CPLANE1: variants seen among roughly 807,000 people sequenced by gnomAD.
The protein encoded by CPLANE1 is ciliogenesis and planar polarity effector complex subunit 1.
CPLANE1 carries 263 observed loss-of-function variants against 362.5 expected under a neutral mutation model. The observed-to-expected ratio is 0.73, with a 90% CI of 0.66 to 0.80. CPLANE1 has a LOEUF of 0.80. CPLANE1 is among the 30% of genes least tolerant of loss of function. The pLI is 0.00. For missense variants in CPLANE1, 3,461 were observed against 3,793.4 expected, an observed-to-expected ratio of 0.91 and a Z score of 2.30; for synonymous variants, 1,212 against 1,302.6, an observed-to-expected ratio of 0.93 and a Z score of 1.50.
At chr5:37,198,432 T>G (rs753856246) in intron 20 of CPLANE1, among the ~76,000 whole-genome samples, 6 of 149,056 alleles carry the variant, frequency 4.0e-5, no homozygotes, top group Non-Finnish European at 5.9e-5. Flanking sequence ...GACAGGGGAG[T>G]TGGAAAAAAA....
chr5:37,082,629 CTCTA>C, the CPLANE1 span, among the ~76,000 whole-genome samples: 1 of 152,088 alleles, frequency 6.6e-6, no homozygotes, highest in Non-Finnish European at 1.5e-5. Flanking sequence ...CTCTTTTCCT[CTCTA>C]TCTGCCTAAA....
chr5:37,169,422 G>T lies in CPLANE1; in HGVS notation c.6602C>A (p.Ser2201Tyr), dbSNP rs554608351. Reference protein sequence around the residue: ...PAGNTHLYLLSTPSVVQKAPR... With the variant: ...PAGNTHLYLLYTPSVVQKAPR... ...TGCCTTCTGAACAACAGAAGGTGTG[G>T]ACAAAAGGTAGAGGTGAGTATTTCC... The change falls in exon 34 of 53, where the codon TCC (serine) becomes TAC (tyrosine). Residue 2201 changes from serine to tyrosine, a missense_variant. By Grantham distance (144) the Ser-to-Tyr change is moderately radical. Transcript: ENST00000651892. 2.4e-5 allele frequency: 38 copies of T among 1,614,200 alleles called. No individual in the cohort carries two copies. In the South Asian group the frequency reaches 4.2e-4, roughly 18 times the overall value.
At chr5:37,248,187 G>A (rs1213721376) in intron 1 of CPLANE1, among the ~76,000 whole-genome samples, 1 of 145,560 alleles carries the variant, frequency 6.9e-6, no homozygotes, top group Non-Finnish European at 1.5e-5. Flanking sequence ...CAGTGCAGTG[G>A]CGCGATCTCG....
chr5:37,120,292 G>C lies in CPLANE1; in HGVS notation c.9234C>G (p.Val3078=). Reference sequence around the variant, plus strand: ...TATAACTCGGTTTGGACATATATTTGACTTTTCCAGGTCGATTTATTAGAA... The same window carrying C: ...TATAACTCGGTTTGGACATATATTTCACTTTTCCAGGTCGATTTATTAGAA... The part of the protein sequence containing the change: ...HSFLINRPGK[V]KYMSKPSYIH... The change falls in exon 50 of 53, where the codon GTC becomes GTG. Residue 3078 remains valine (V), a synonymous_variant. Coordinates refer to ENST00000651892, the MANE Select transcript of CPLANE1 (RefSeq NM_001384732.1). 3 of 1,598,326 alleles carry C rather than the reference G, an allele frequency of 1.9e-6. No individual in the cohort carries two copies. The East Asian group carries it at 6.8e-5, about 36-fold the overall frequency.
At chr5:37,139,286 ACTAT>A in intron 45 of CPLANE1, 50 bp downstream of exon 45, 1 of 1,375,586 alleles carries the variant, frequency 7.3e-7, no homozygotes. Flanking sequence ...CAAAATTTTC[ACTAT>A]CTACACCCAA....
intron 34 of CPLANE1, 84 bp from the exon 35 acceptor site, chr5:37,167,297 ATT>A: frequency 9.5e-7 from 1 of 1,052,834 alleles, no homozygotes; most frequent in Non-Finnish European, 1.4e-6. Flanking sequence ...GGAAAAATAC[ATT>A]TGTTTAAATT....
At chr5:37,105,670 T>A (rs1198758852), downstream of CPLANE1, among the ~76,000 whole-genome samples, 1 of 152,108 alleles carries the variant, frequency 6.6e-6, no homozygotes, top group East Asian at 1.9e-4. Flanking sequence ...CAAATAGAAT[T>A]ACATCAAGCT....
rs189217215 is a variant in CPLANE1, at chr5:37,201,854, A to G, written c.3290-46T>C. The G allele has an allele frequency of 7.2e-4, 973 of 1,349,196 alleles. 1 individual carries two copies. The highest frequency in any genetic ancestry group is 1.4e-3 in the Admixed American group (69 of 49,346). The allele number at this position is 1,349,196 out of a possible 1,614,324, so 83.6% of individuals were successfully genotyped here. On this transcript the variant is annotated intron_variant, in intron 18 of 52. Coordinates refer to ENST00000651892, the MANE Select transcript of CPLANE1 (RefSeq NM_001384732.1). ...GTAAAATAGTTAAAGCTTGTATTAA[A>G]CTTCTTATCCATTTTGTAGGAAAAA...
chr5:37,237,853 A>G (rs1321624825), intron 8 of CPLANE1, among the ~76,000 whole-genome samples: 1 of 151,976 alleles, frequency 6.6e-6, no homozygotes, highest in Admixed American at 6.6e-5. Flanking sequence ...CCATCTCAAA[A>G]AAAAAAAAGT....
At position 37,224,286 on chromosome 5, in the gene CPLANE1, A is replaced by G. The variant is rs1385563171; in HGVS notation, c.2548T>C (p.Trp850Arg). Residue 850 changes from tryptophan to arginine, a missense_variant, in exon 14 of 53, where the codon TGG becomes CGG. Physicochemically the swap from Trp to Arg is moderately radical, Grantham distance 101 (BLOSUM62 -3). This residue lies in a region of CPLANE1 where 3,380 missense variants were observed against 3,666.1 expected (regional missense o/e 0.92). Coordinates refer to ENST00000651892, the MANE Select transcript of CPLANE1 (RefSeq NM_001384732.1). ...TCGATTTCTTGTAGAGCTTTTTTCCACAGCTGAACAGACTTTTCATATGAT... is the reference window on the plus strand; with the variant it reads ...TCGATTTCTTGTAGAGCTTTTTTCCGCAGCTGAACAGACTTTTCATATGAT... Reference protein sequence around the residue: ...LGSYEKSVQLWKKALQEIEEK... With the variant: ...LGSYEKSVQLRKKALQEIEEK... 1 of 1,549,340 alleles carries G rather than the reference A, an allele frequency of 6.5e-7. No homozygotes were observed. Among genetic ancestry groups the G allele is most frequent in the Admixed American group, 2.0e-5 (1 of 50,700 alleles).
At chr5:37,133,029 T>A (rs75499736) in intron 46 of CPLANE1, among the ~76,000 whole-genome samples, 2,549 of 152,194 alleles carry the variant, frequency 0.017, 73 homozygotes, top group African/African-American at 0.059. Context: ...AGGGAGTCAT[T>A]TCCCCTGCCT....
At chr5:37,245,113 C>T (rs1454304494) in intron 4 of CPLANE1, among the ~76,000 whole-genome samples, 1 of 150,896 alleles carries the variant, frequency 6.6e-6, no homozygotes, top group African/African-American at 2.4e-5. Context: ...CACTGCACTC[C>T]AGCCTGGGCG....
intron 49 of CPLANE1, 95 bp from the exon 50 acceptor site, chr5:37,120,435 T>C (rs913492841): frequency 9.2e-7 from 1 of 1,089,028 alleles, no homozygotes. Flanking sequence ...CTGGGCACAG[T>C]AGTGCAAGCC....
rs537890094 is a variant in CPLANE1 at position 37,180,259 on chromosome 5, T to TG, written c.5571-77dup. On this transcript the variant is annotated intron_variant, in intron 27 of 52. Transcript: ENST00000651892. Reference sequence around the variant, plus strand: ...CTAATTCAGTTTTGGGTTTTTTTTTTGTTTTTTTTTTTAAGATGGAGTCTC... The same window carrying TG: ...CTAATTCAGTTTTGGGTTTTTTTTTTGGTTTTTTTTTTTAAGATGGAGTCTC... The TG allele has an allele frequency of 9.9e-4, 995 of 1,006,400 alleles. 6 individuals carry two copies. The African/African-American group carries it at 0.015, about 15-fold the overall frequency. 62.3% of individuals were successfully genotyped at this position (1,006,400 alleles called of 1,614,324 possible).
chr5:37,186,533 C>T (rs1784041821), intron 23 of CPLANE1, 139 bp from the exon 24 acceptor site: 1 of 581,730 alleles, frequency 1.7e-6, no homozygotes, highest in Non-Finnish European at 3.1e-6. Flanking sequence ...AAGCCTCTCT[C>T]TGAGCATCTG....
chr5:37,162,687 T>TC, intron 37 of CPLANE1, 121 bp from the exon 38 acceptor site: 1 of 623,288 alleles, frequency 1.6e-6, no homozygotes, highest in East Asian at 2.9e-5. Flanking sequence ...TTATTAAATT[T>TC]TTTTTTTTTT....
At chr5:37,162,307 C>T (rs1175300120) in intron 38 of CPLANE1, among the ~76,000 whole-genome samples, 158 bp downstream of exon 38, 1 of 152,118 alleles carries the variant, frequency 6.6e-6, no homozygotes. Flanking sequence ...AATTTGATTT[C>T]TACAGTATAT....
Position 37,107,391 on chromosome 5 carries a change from C to T in CPLANE1, c.*211G>A, listed in dbSNP as rs962172789. The T allele has an allele frequency of 1.8e-5, 22 of 1,255,404 alleles. No homozygotes were observed. Among genetic ancestry groups the T allele is most frequent in the Non-Finnish European group, 2.2e-5 (22 of 997,210 alleles). 77.8% of individuals were successfully genotyped at this position (1,255,404 alleles called of 1,614,324 possible). A position where few individuals can be genotyped will look rare whatever the true frequency, so the allele number is the denominator to read the frequency against. On this transcript the variant is annotated 3_prime_UTR_variant, in exon 53 of 53. Coordinates refer to ENST00000651892, the MANE Select transcript of CPLANE1 (RefSeq NM_001384732.1). ...GCATCAAATACAAAAACATATAATA[C>T]ATCAATAGTCAACCCTTTCCCCATA...
intron 1 of CPLANE1, 53 bp from the exon 2 acceptor site, chr5:37,247,798 ATT>A (rs11320255): frequency 0.029 from 28,803 of 1,006,646 alleles, no homozygotes; most frequent in South Asian, 0.045. Context: ...TTCACTGGGC[ATT>A]TTTTTTTTTT....
Sources: allele counts gnomAD v4.1 joint callset (sites outside exome capture counted in the v4.1 genomes callset), GRCh38; gene constraint gnomAD v4.1.1; regional missense constraint gnomAD v4.1.1; transcripts MANE v1.5; gene names NCBI Gene and HGNC (gene_info 2026-07-23, HGNC 2026-07-21).